Variants in GLI4 observed in about 807,000 individuals in gnomAD.
GLI4 encodes the protein zinc finger protein GLI4.
GLI4 carries 34 observed loss-of-function variants against 30.9 expected under a neutral mutation model. The observed-to-expected ratio is 1.10, with a 90% CI of 0.84 to 1.47. The LOEUF (loss-of-function observed/expected upper bound fraction) is 1.47. Ranked by LOEUF, GLI4 falls within the 40% of genes most tolerant of loss-of-function variation. The pLI is 0.00. For missense variants in GLI4, 696 were observed against 538.9 expected (o/e 1.29, Z -2.89); for synonymous variants, 277 against 236.7 (o/e 1.17, Z -1.56).
intron 3 of GLI4, chr8:143,275,653 CTG>C (rs1295338213): frequency 1.6e-6 from 2 of 1,240,396 alleles, no homozygotes; most frequent in South Asian, 3.9e-5. Context: ...GCCGTGGTGA[CTG>C]TGGATGGTCC....
At position 143,276,131 on chromosome 8, in the gene GLI4, C is replaced by T. The variant is rs1360904102; in HGVS notation, c.458C>T (p.Ala153Val). The part of the protein sequence containing the change: ...WRVTLVQQAA[A>V]GPEGAPERAA... ...GTGACGCTCGTGCAGCAAGCAGCGG[C>T]CGGGCCCGAGGGTGCGCCCGAGCGG... is the stretch of plus-strand genomic sequence containing the variant. The change falls in exon 4 of 4, where the codon GCC becomes GTC. Residue 153 changes from alanine to valine, a missense_variant. By Grantham distance (64) the Ala-to-Val change is moderately conservative. Transcript: ENST00000340042. 10 of 1,533,308 alleles carry T rather than the reference C, an allele frequency of 6.5e-6. No homozygotes were observed. Among genetic ancestry groups the T allele is most frequent in the Admixed American group, 2.1e-5 (1 of 48,744 alleles). The allele number at this position is 1,533,308 out of a possible 1,614,324, so 95.0% of individuals were successfully genotyped here.
At position 143,276,696 on chromosome 8, in the gene GLI4, C is replaced by T. The variant is rs759813849; in HGVS notation, c.1023C>T (p.His341=). The change falls in exon 4 of 4, where the codon CAC becomes CAT. Residue 341 remains histidine (H), a synonymous_variant. Coordinates refer to ENST00000340042, the MANE Select transcript of GLI4 (RefSeq NM_138465.4). ...AFRGRSHFFR[H]LRTHTGEKPF... ...GCGGCCGCTCGCACTTCTTCCGGCA[C>T]CTGCGGACCCACACGGGCGAGAAGC... 1.2e-6 allele frequency: 2 copies of T among 1,611,502 alleles called. No individual in the cohort carries two copies. The highest frequency in any genetic ancestry group is 1.1e-5 in the South Asian group (1 of 90,940).
At chr8:143,269,660 G>C in intron 2 of GLI4, 140 bp downstream of exon 2, 4 of 745,702 alleles carry the variant, frequency 5.4e-6, no homozygotes. Context: ...TCAGCAGCTG[G>C]GGTTCCCACA....
chr8:143,270,422 C>T (rs1346137537), intron 2 of GLI4, among the ~76,000 whole-genome samples: 1 of 152,218 alleles, frequency 6.6e-6, no homozygotes, highest in Non-Finnish European at 1.5e-5. Flanking sequence ...ATCCACTCCC[C>T]TGCAGCCCTG....
chr8:143,275,561 CACCAACA>C, intron 3 of GLI4: 6 of 1,252,518 alleles, frequency 4.8e-6, no homozygotes, highest in Non-Finnish European at 6.0e-6. Context: ...TCCGGGTCCT[CACCAACA>C]CTTAGTGCTT....
intron 3 of GLI4, 199 bp from the exon 4 acceptor site, chr8:143,275,698 A>C (rs1586729786): frequency 8.1e-7 from 1 of 1,236,264 alleles, no homozygotes. Context: ...AACGCCCCCC[A>C]CCCCTGTGTC....
chr8:143,276,782 A>T lies in GLI4; in HGVS notation c.1109A>T (p.Gln370Leu). The T allele has an allele frequency of 6.3e-7, 1 of 1,587,058 alleles. No homozygotes were observed. Among genetic ancestry groups the T allele is most frequent in the Non-Finnish European group, 8.6e-7 (1 of 1,167,094 alleles). Residue 370 changes from glutamine to leucine, a missense_variant, in exon 4 of 4, where the codon CAG (glutamine) becomes CTG (leucine). Transcript: ENST00000340042. ...CAGAGCTCCCAGCTCATCCAGCACC[A>T]GCGGGTGCACTACCGCGAGTAGCCG... ...FGQSSQLIQH[Q>L]RVHYRE
chr8:143,275,149 G>C, intron 3 of GLI4: 1 of 1,535,724 alleles, frequency 6.5e-7, no homozygotes, highest in Non-Finnish European at 8.7e-7. Flanking sequence ...TGTCCCCCCA[G>C]ATCCACGAGT....
Position 143,276,046 on chromosome 8 carries a change from C to T in GLI4, c.373C>T (p.Arg125Trp), listed in dbSNP as rs942174565. The T allele has an allele frequency of 1.2e-5, 17 of 1,371,268 alleles. No homozygotes were observed. Among genetic ancestry groups the T allele is most frequent in the Non-Finnish European group, 1.5e-5 (16 of 1,067,014 alleles). The allele number at this position is 1,371,268 out of a possible 1,614,324, so 84.9% of individuals were successfully genotyped here. A position where few individuals can be genotyped will look rare whatever the true frequency, so the allele number is the denominator to read the frequency against. The change falls in exon 4 of 4, where the codon CGG (arginine) becomes TGG (tryptophan). Residue 125 changes from arginine to tryptophan, a missense_variant. Transcript: ENST00000340042. ...CTTCGGGCCTGAATCCAGCGCGGAG[C>T]GGCCGGCGGGCCAGCCGCCTGGGGC... ...AGFGPESSAE[R>W]PAGQPPGAVP...
rs530107886 is a variant in GLI4, at chr8:143,276,816, C to A, written c.*12C>A. 2.7e-6 allele frequency: 4 copies of A among 1,506,530 alleles called. No individual in the cohort carries two copies. The highest frequency in any genetic ancestry group is 1.4e-5 in the African/African-American group (1 of 72,834). The allele number at this position is 1,506,530 out of a possible 1,614,324, so 93.3% of individuals were successfully genotyped here. A position where few individuals can be genotyped will look rare whatever the true frequency, so the allele number is the denominator to read the frequency against. ...ACTACCGCGAGTAGCCGGGCGGGGG[C>A]TCGGGGCTCGGCCTCCTACCTGCCC... On this transcript the variant is annotated 3_prime_UTR_variant, in exon 4 of 4. Transcript: ENST00000340042.
chr8:143,273,758 G>T (rs2977359), intron 2 of GLI4, among the ~76,000 whole-genome samples: 2 of 152,244 alleles, frequency 1.3e-5, no homozygotes, highest in Non-Finnish European at 2.9e-5. Flanking sequence ...GGGACACCCA[G>T]ATTCGGCCTC....
chr8:143,268,162 T>G, intron 1 of GLI4: 2 of 839,068 alleles, frequency 2.4e-6, no homozygotes, highest in South Asian at 5.4e-5. Flanking sequence ...AGTGGCCACC[T>G]ACCTGGTGAC....
Position 143,269,520 on chromosome 8 carries a change from G to A in GLI4, c.124G>A (p.Gly42Ser). The A allele has an allele frequency of 6.2e-7, 1 of 1,612,208 alleles. No individual in the cohort carries two copies. The highest frequency in any genetic ancestry group is 1.1e-5 in the South Asian group (1 of 91,060). Residue 42 changes from glycine to serine, a missense_variant and splice_region_variant, in exon 2 of 4, where the codon GGC becomes AGC. By Grantham distance (56) the Gly-to-Ser change is moderately conservative (BLOSUM62 0). Transcript: ENST00000340042. Reference protein sequence around the residue: ...PQLHLHGHQHGSPGSSPKVLS... With the variant: ...PQLHLHGHQHSSPGSSPKVLS... ...GCTTCACCTCCATGGGCATCAACATGGTACTCACCCAGCCCGCTGTGCGCC... is the reference window on the plus strand; with the variant it reads ...GCTTCACCTCCATGGGCATCAACATAGTACTCACCCAGCCCGCTGTGCGCC...
At chr8:143,270,735 G>A (rs1325848078) in intron 2 of GLI4, among the ~76,000 whole-genome samples, 1 of 152,206 alleles carries the variant, frequency 6.6e-6, no homozygotes, top group East Asian at 1.9e-4. Context: ...CAGAGACAAG[G>A]CCAGGAGGTC....
At chr8:143,274,651 C>T (rs1026889768) in intron 2 of GLI4, 53 bp from the exon 3 acceptor site, 27 of 1,499,554 alleles carry the variant, frequency 1.8e-5, no homozygotes, top group South Asian at 6.2e-5. Context: ...CAGAGAGGAG[C>T]GGAGGCAGTG....
At chr8:143,275,542 C>G in intron 3 of GLI4, 2 of 1,262,938 alleles carry the variant, frequency 1.6e-6, no homozygotes, top group Non-Finnish European at 2.0e-6. Flanking sequence ...GCTCTGGCGT[C>G]CCCCAGGCTC....
At position 143,276,528 on chromosome 8, in the gene GLI4, C is replaced by T. The variant is rs756808026; in HGVS notation, c.855C>T (p.His285=). 1.2e-6 allele frequency: 2 copies of T among 1,612,890 alleles called. No individual in the cohort carries two copies. The highest frequency in any genetic ancestry group is 1.3e-5 in the African/African-American group (1 of 75,050). ...GCCAGAGCTCCAACCTGGTGCGCCA[C>T]CAGCGGCTGCACACGGGTGAGAAGC... ...AFSQSSNLVR[H]QRLHTGEKPY... is the part of the protein sequence containing the mutation. The change falls in exon 4 of 4, where the codon CAC becomes CAT. Residue 285 remains histidine, a synonymous_variant. Coordinates refer to ENST00000340042, the MANE Select transcript of GLI4 (RefSeq NM_138465.4).
At chr8:143,269,654 C>T in intron 2 of GLI4, 134 bp downstream of exon 2, 9 of 762,292 alleles carry the variant, frequency 1.2e-5, no homozygotes, top group Non-Finnish European at 2.0e-5. Context: ...GCTCCTTCAG[C>T]AGCTGGGGTT....
chr8:143,276,308 C>T lies in GLI4; in HGVS notation c.635C>T (p.Ala212Val). Residue 212 changes from alanine (A) to valine (V), a missense_variant, in exon 4 of 4, where the codon GCC (alanine) becomes GTC (valine). Coordinates refer to ENST00000340042, the MANE Select transcript of GLI4 (RefSeq NM_138465.4). Reference sequence around the variant, plus strand: ...ATCCACACGGGCGAGAAGCCCTACGCCTGCCACGAGTGCGGCAAGCGCTTC... The same window carrying T: ...ATCCACACGGGCGAGAAGCCCTACGTCTGCCACGAGTGCGGCAAGCGCTTC... ...QRIHTGEKPY[A>V]CHECGKRFRG... The T allele has an allele frequency of 6.2e-7, 1 of 1,606,232 alleles. No homozygotes were observed. Among genetic ancestry groups the T allele is most frequent in the East Asian group, 2.3e-5 (1 of 44,418 alleles).
Sources: allele counts gnomAD v4.1 joint callset (sites outside exome capture counted in the v4.1 genomes callset), GRCh38; gene constraint gnomAD v4.1.1; transcripts MANE v1.5; gene names NCBI Gene and HGNC (gene_info 2026-07-23, HGNC 2026-07-21).